PPP3CB: variants seen among roughly 807,000 people sequenced by gnomAD.
PPP3CB encodes the protein protein phosphatase 3 catalytic subunit beta, also known as serine/threonine-protein phosphatase 2B catalytic subunit beta isoform.
A neutral mutation model predicts 66.4 loss-of-function variants in PPP3CB; 8 were observed. The observed-to-expected ratio is 0.12, with a 90% CI of 0.07 to 0.22. The LOEUF is 0.22. PPP3CB is among the 10% of genes least tolerant of loss of function. The pLI is 1.00. For missense variants in PPP3CB, 319 were observed against 642.5 expected (o/e 0.50, Z 5.44); for synonymous variants, 208 against 221.2 (o/e 0.94, Z 0.53).
intron 13 of PPP3CB, among the ~76,000 whole-genome samples, 166 bp downstream of exon 13, chr10:73,439,706 T>C (rs952583735): frequency 1.3e-5 from 2 of 151,864 alleles, no homozygotes; most frequent in African/African-American, 2.4e-5. Context: ...GATTTAAAAA[T>C]GAAAAATTAA....
chr10:73,494,245 C>T (rs904234138), intron 1 of PPP3CB, among the ~76,000 whole-genome samples: 1 of 152,060 alleles, frequency 6.6e-6, no homozygotes, highest in Admixed American at 6.6e-5. Flanking sequence ...ACTGGATATA[C>T]TACTAACTTA....
At chr10:73,454,173 T>C (rs986259374) in intron 10 of PPP3CB, among the ~76,000 whole-genome samples, 1 of 152,208 alleles carries the variant, frequency 6.6e-6, no homozygotes, top group African/African-American at 2.4e-5. Context: ...CCTTATCTTC[T>C]TTCTTCCAAA....
intron 1 of PPP3CB, among the ~76,000 whole-genome samples, chr10:73,493,941 T>G (rs2057120891): frequency 6.6e-6 from 1 of 152,148 alleles, no homozygotes; most frequent in Non-Finnish European, 1.5e-5. Context: ...CATTACCATA[T>G]ATATGACAAG....
intron 1 of PPP3CB, among the ~76,000 whole-genome samples, chr10:73,485,226 T>C (rs1163513480): frequency 6.6e-6 from 1 of 152,152 alleles, no homozygotes; most frequent in Non-Finnish European, 1.5e-5. Context: ...GCAAGGTATT[T>C]TCACTCACAT....
At chr10:73,482,092 T>G (rs2056888601) in intron 1 of PPP3CB, among the ~76,000 whole-genome samples, 1 of 152,138 alleles carries the variant, frequency 6.6e-6, no homozygotes, top group Admixed American at 6.5e-5. Flanking sequence ...ACTAAATAAA[T>G]CAAGTGTTAC....
intron 10 of PPP3CB, among the ~76,000 whole-genome samples, chr10:73,451,788 C>T (rs911797448): frequency 1.3e-5 from 2 of 150,142 alleles, no homozygotes; most frequent in Non-Finnish European, 3.0e-5. Context: ...ATCTGTCGCC[C>T]AGGCTGGAGT....
intron 1 of PPP3CB, among the ~76,000 whole-genome samples, chr10:73,487,798 TC>T (rs983587224): frequency 2.0e-5 from 3 of 151,150 alleles, no homozygotes; most frequent in African/African-American, 7.3e-5. Context: ...TTTTTTTTTT[TC>T]CACAGAGTCT....
In PPP3CB at chr10:73,444,838, A is replaced by G. The variant is rs202105287; in HGVS notation, c.1269-16T>C. 14 of 1,611,072 alleles carry G rather than the reference A, an allele frequency of 8.7e-6. No individual in the cohort carries two copies. The East Asian group carries it at 2.2e-4, about 26-fold the overall frequency. ...ACTCTCCTCCCTATAGCAGAGAGATATAACAAATATCAGATACTTCCAACA... is the reference window on the plus strand; with the variant it reads ...ACTCTCCTCCCTATAGCAGAGAGATGTAACAAATATCAGATACTTCCAACA... On this transcript the variant is annotated splice_polypyrimidine_tract_variant and intron_variant, in intron 11 of 13. Transcript: ENST00000360663.
intron 1 of PPP3CB, among the ~76,000 whole-genome samples, chr10:73,481,427 T>G (rs1252516003): frequency 6.6e-6 from 1 of 150,720 alleles, no homozygotes; most frequent in Non-Finnish European, 1.5e-5. Context: ...GAGCCTAGAC[T>G]ACACCACTGC....
At chr10:73,459,583 AAAAC>A (rs1473268224) in intron 9 of PPP3CB, among the ~76,000 whole-genome samples, 5 of 152,274 alleles carry the variant, frequency 3.3e-5, no homozygotes, top group Non-Finnish European at 5.9e-5. Context: ...GCTGATGAAT[AAAAC>A]AAACAAAATG....
chr10:73,444,619 C>A (rs2056216307), intron 12 of PPP3CB, 106 bp downstream of exon 12: 1 of 1,561,508 alleles, frequency 6.4e-7, no homozygotes, highest in South Asian at 1.2e-5. Context: ...GAGACAGGAA[C>A]TAAAAAACAG....
chr10:73,482,798 A>C (rs781051053), intron 1 of PPP3CB, among the ~76,000 whole-genome samples: 1 of 151,850 alleles, frequency 6.6e-6, no homozygotes, highest in Non-Finnish European at 1.5e-5. Flanking sequence ...TTGTATTTTT[A>C]GTAGAGATAG....
chr10:73,452,997 G>C (rs2056371067), intron 10 of PPP3CB, among the ~76,000 whole-genome samples: 1 of 152,174 alleles, frequency 6.6e-6, no homozygotes. Flanking sequence ...AAATGAAATG[G>C]ATAGTTTACA....
At chr10:73,492,071 G>C (rs185539132) in intron 1 of PPP3CB, among the ~76,000 whole-genome samples, 56 of 152,146 alleles carry the variant, frequency 3.7e-4, no homozygotes, top group African/African-American at 1.1e-3. Flanking sequence ...TTTATAAGCA[G>C]GGCAACTGGC....
chr10:73,491,029 T>TTTTTTTTTTTTTTTTTTTTTTTTTTTTG (rs2057066847), intron 1 of PPP3CB, among the ~76,000 whole-genome samples: 1 of 112,328 alleles, frequency 8.9e-6, no homozygotes, highest in Non-Finnish European at 1.7e-5. Flanking sequence ...ATTGTTTTTT[T>TTTTTTTTTTTTTTTTTTTTTTTTTTTTG]TTTTTTTTTT....
chr10:73,495,761 C>A (rs765810288), intron 1 of PPP3CB, 44 bp downstream of exon 1: 9 of 1,551,184 alleles, frequency 5.8e-6, no homozygotes, highest in Non-Finnish European at 7.9e-6. Context: ...TCACACACAG[C>A]TAGCTCTTCA....
chr10:73,484,292 CG>C (rs1203633740), intron 1 of PPP3CB, among the ~76,000 whole-genome samples: 1 of 150,146 alleles, frequency 6.7e-6, no homozygotes, highest in African/African-American at 2.5e-5. Flanking sequence ...TTTTTTGAGA[CG>C]GAGTCTCGCT....
intron 1 of PPP3CB, among the ~76,000 whole-genome samples, chr10:73,494,554 G>A (rs973318441): frequency 6.6e-6 from 1 of 151,714 alleles, no homozygotes; most frequent in East Asian, 1.9e-4. Context: ...CTCAGCATCC[G>A]AAAGTGCTGG....
intron 1 of PPP3CB, among the ~76,000 whole-genome samples, chr10:73,479,961 A>T (rs2056847749): frequency 6.6e-6 from 1 of 152,168 alleles, no homozygotes. Flanking sequence ...CAGAAATTGG[A>T]GACCAGCCTG....
Sources: gnomAD v4.1 joint callset for allele counts (sites outside exome capture counted in the v4.1 genomes callset) on GRCh38, gnomAD v4.1.1 for gene constraint, MANE v1.5 for transcripts, NCBI Gene and HGNC (gene_info 2026-07-23, HGNC 2026-07-21) for gene names.